The following RCC1L variants were observed in gnomAD, a reference collection of about 807,000 sequenced individuals.
RCC1L encodes the protein RCC1-like G exchanging factor-like protein.
A neutral mutation model predicts 58.6 loss-of-function variants in RCC1L; 46 were observed. The ratio of observed to expected loss-of-function variants is 0.79; its 90% CI spans 0.62 to 1.00. The LOEUF (loss-of-function observed/expected upper bound fraction) is 1.00, where lower values mean the gene tolerates loss of function less well. RCC1L is among the 50% of genes least tolerant of loss of function. The pLI is 0.00. For missense variants in RCC1L, 636 were observed against 623.6 expected (o/e 1.02, Z -0.21); for synonymous variants, 281 against 262.9 (o/e 1.07, Z -0.67).
rs1805420638 is a variant in RCC1L, at chr7:75,035,833, C to A, written c.1318-7754G>T. ...CCTGGGCAACACAGTGAGGTCCCCC[C>A]ATCTCTACAAAAAATTTTAAAAATT... On this transcript the variant is annotated intron_variant, in intron 10 of 10. Transcript: ENST00000614461. Among the ~76,000 whole-genome samples, 2 of 151,902 alleles carry A rather than the reference C, an allele frequency of 1.3e-5. 1 individual carries two copies. Among genetic ancestry groups the A allele is most frequent in the South Asian group, 4.2e-4 (2 of 4,806 alleles).
chr7:75,042,675 A>C lies in RCC1L; in HGVS notation c.*357T>G, dbSNP rs1010949623. 9.5e-6 allele frequency: 11 copies of C among 1,153,454 alleles called. No homozygotes were observed. The African/African-American group carries it at 1.8e-4, about 18-fold the overall frequency. 71.5% of individuals were successfully genotyped at this position (1,153,454 alleles called of 1,614,324 possible). On this transcript the variant is annotated 3_prime_UTR_variant, in exon 11 of 11. Coordinates refer to ENST00000610322, the MANE Select transcript of RCC1L (RefSeq NM_030798.5). ...AGACTGCCATGACAGACAGAGCAGA[A>C]ACCTCCCGAGCACTGTGTTCAAGCT...
intron 6 of RCC1L, among the ~76,000 whole-genome samples, chr7:75,059,929 T>A (rs989689603): frequency 9.2e-5 from 14 of 152,092 alleles, no homozygotes; most frequent in African/African-American, 1.2e-4. Context: ...CCCAGCCAAT[T>A]TTTTTTGTAT....
intron 10 of RCC1L, among the ~76,000 whole-genome samples, chr7:75,028,333 C>G (rs1004099747): frequency 7.9e-4 from 120 of 152,176 alleles, no homozygotes; most frequent in Non-Finnish European, 1.5e-3. Context: ...GTTGGCCACG[C>G]TGGTCTTGAA....
downstream of RCC1L, among the ~76,000 whole-genome samples, chr7:75,037,652 G>A (rs1474336956): frequency 6.6e-6 from 1 of 151,916 alleles, no homozygotes; most frequent in Non-Finnish European, 1.5e-5. Context: ...CTACAGGCAC[G>A]TGCCATCACA....
rs1401916751 is a variant in RCC1L, at chr7:75,073,747, C to T, written c.-10G>A. 6 of 1,500,754 alleles carry T rather than the reference C, an allele frequency of 4.0e-6. No individual in the cohort carries two copies. The African/African-American group carries it at 4.3e-5, about 11-fold the overall frequency. The allele number at this position is 1,500,754 out of a possible 1,614,324, so 93.0% of individuals were successfully genotyped here. A position where few individuals can be genotyped will look rare whatever the true frequency, so the allele number is the denominator to read the frequency against. ...ACGCCACCAGCGCCATCCTCCGTTC[C>T]GCGCCTCAGCAGCCTCTGGGCGCCG... On this transcript the variant is annotated 5_prime_UTR_variant, in exon 1 of 11. Transcript: ENST00000610322.
At chr7:75,031,377 G>A (rs1218546000) in intron 10 of RCC1L, among the ~76,000 whole-genome samples, 7 of 152,220 alleles carry the variant, frequency 4.6e-5, no homozygotes, top group African/African-American at 9.6e-5. Flanking sequence ...CTACCCCCCC[G>A]GGGCCCTCAA....
At chr7:75,041,021 C>G (rs1805546193), downstream of RCC1L, among the ~76,000 whole-genome samples, 1 of 152,090 alleles carries the variant, frequency 6.6e-6, no homozygotes, top group Non-Finnish European at 1.5e-5. Context: ...AGTTCGAGAA[C>G]AGCCTGGCCA....
chr7:75,029,518 A>G (rs1805240438), intron 10 of RCC1L, among the ~76,000 whole-genome samples: 8 of 151,860 alleles, frequency 5.3e-5, no homozygotes. Flanking sequence ...TAATTTTTGT[A>G]TTTTTAGTAG....
intron 6 of RCC1L, 65 bp downstream of exon 6, chr7:75,061,142 G>A (rs1806265048): frequency 3.0e-6 from 4 of 1,339,806 alleles, no homozygotes; most frequent in Non-Finnish European, 4.3e-6. Context: ...ATGCCCTACA[G>A]CTCACAGCTC....
intron 10 of RCC1L, among the ~76,000 whole-genome samples, chr7:75,048,246 G>A (rs1341533334): frequency 1.4e-5 from 2 of 140,486 alleles, no homozygotes; most frequent in Non-Finnish European, 3.0e-5. Flanking sequence ...CAACCTGGGT[G>A]ACAAAGCAGG....
chr7:75,041,141 G>T (rs2131974341), downstream of RCC1L, among the ~76,000 whole-genome samples: 1 of 152,122 alleles, frequency 6.6e-6, no homozygotes, highest in African/African-American at 2.4e-5. Context: ...CTTGAACCGG[G>T]AGGCGGAGGT....
intron 10 of RCC1L, among the ~76,000 whole-genome samples, chr7:75,048,126 G>A (rs1228223984): frequency 2.0e-5 from 3 of 151,386 alleles, no homozygotes; most frequent in Admixed American, 2.0e-4. Context: ...AATTAGCCAG[G>A]CATGGTGGCA....
chr7:75,067,565 G>A (rs1806544135), intron 2 of RCC1L, among the ~76,000 whole-genome samples: 1 of 152,044 alleles, frequency 6.6e-6, no homozygotes, highest in South Asian at 2.1e-4. Flanking sequence ...GGAGGCGGAG[G>A]TTGCCAGTGA....
In RCC1L at chr7:75,070,688, G is replaced by A; in HGVS notation, c.406C>T (p.Leu136Phe). ...AATCCAAGCTGAGAATCTTTGTTGA[G>A]TCCCATCCCCCAGACTTTCGTAACA... ...ADVTKVWGMGLNKDSQLGFHR... is the reference protein window; with the variant it reads ...ADVTKVWGMGFNKDSQLGFHR... Residue 136 changes from leucine to phenylalanine, a missense_variant, in exon 2 of 11, where the codon CTC (leucine) becomes TTC (phenylalanine). Transcript: ENST00000610322. 6.2e-7 allele frequency: 1 copy of A among 1,614,136 alleles called. No homozygotes were observed. The highest frequency in any genetic ancestry group is 8.5e-7 in the Non-Finnish European group (1 of 1,180,022).
intron 8 of RCC1L, 69 bp downstream of exon 8, chr7:75,057,460 T>G: frequency 6.5e-7 from 1 of 1,530,952 alleles, no homozygotes; most frequent in Admixed American, 1.7e-5. Flanking sequence ...GCAAATCCAA[T>G]GGACACTGAC....
At chr7:75,073,232 A>G (rs782097125) in intron 1 of RCC1L, among the ~76,000 whole-genome samples, 182 bp downstream of exon 1, 5 of 152,320 alleles carry the variant, frequency 3.3e-5, no homozygotes, top group African/African-American at 9.6e-5. Flanking sequence ...CTGCCACCCA[A>G]TAAATGTTGA....
At chr7:75,058,212 C>T (rs1584497551) in intron 7 of RCC1L, 2 of 296,552 alleles carry the variant, frequency 6.7e-6, no homozygotes, top group Non-Finnish European at 1.3e-5. Flanking sequence ...GCTGGGATTA[C>T]AGGCGTGAGC....
intron 9 of RCC1L, 184 bp downstream of exon 9, chr7:75,055,717 A>G (rs1806054941): frequency 4.3e-6 from 3 of 695,552 alleles, no homozygotes; most frequent in South Asian, 1.9e-5. Context: ...CAGGGGGGGA[A>G]AACAAGACAT....
At chr7:75,057,845 T>C in intron 7 of RCC1L, 2 of 570,770 alleles carry the variant, frequency 3.5e-6, no homozygotes, top group Non-Finnish European at 6.4e-6. Context: ...GAGGCAGATG[T>C]CAACCAAAAT....
Sources: allele counts gnomAD v4.1 joint callset (sites outside exome capture counted in the v4.1 genomes callset), GRCh38; gene constraint gnomAD v4.1.1; transcripts MANE v1.5; gene names NCBI Gene and HGNC (gene_info 2026-07-23, HGNC 2026-07-21).